ENPP2: variants seen among roughly 807,000 people sequenced by gnomAD.
ENPP2 encodes the protein ectonucleotide pyrophosphatase/phosphodiesterase 2, also known as autotaxin.
ENPP2 carries 51 observed loss-of-function variants against 120.2 expected under a neutral mutation model. The ratio of observed to expected loss-of-function variants is 0.42; its 90% CI spans 0.34 to 0.54. The LOEUF is 0.54. ENPP2 is among the 20% of genes least tolerant of loss of function. The pLI is 0.04. For missense variants in ENPP2, 920 were observed against 1,066.5 expected, an observed-to-expected ratio of 0.86 and a Z score of 1.91; for synonymous variants, 365 against 366.4, an observed-to-expected ratio of 1.00 and a Z score of 0.04.
chr8:119,614,931 A>G (rs1429350071), intron 8 of ENPP2, among the ~76,000 whole-genome samples: 2 of 152,202 alleles, frequency 1.3e-5, no homozygotes, highest in Non-Finnish European at 2.9e-5. Flanking sequence ...CATCTATTAT[A>G]AAGAAACTTA....
chr8:119,666,634 G>A (rs1381790989), intron 1 of ENPP2, among the ~76,000 whole-genome samples: 1 of 152,064 alleles, frequency 6.6e-6, no homozygotes, highest in African/African-American at 2.4e-5. Flanking sequence ...TACAAAATTA[G>A]CCAGGCGTGG....
At chr8:119,600,402 G>A (rs546292236) in intron 11 of ENPP2, among the ~76,000 whole-genome samples, 87 of 152,124 alleles carry the variant, frequency 5.7e-4, no homozygotes, top group African/African-American at 2.0e-3. Flanking sequence ...TCCAACTGAC[G>A]CCCACAAGGC....
exon 1 of ENPP2, chr8:119,673,253 C>G (rs772157203): frequency 1.3e-6 from 2 of 1,534,938 alleles, no homozygotes; most frequent in Non-Finnish European, 1.7e-6. Context: ...ATACCGTACC[C>G]GATCGGCGTG....
At chr8:119,589,455 G>T (rs1813348829) in intron 13 of ENPP2, among the ~76,000 whole-genome samples, 3 of 152,036 alleles carry the variant, frequency 2.0e-5, no homozygotes, top group Non-Finnish European at 4.4e-5. Flanking sequence ...CCCATTACAT[G>T]TACTAATGTC....
At chr8:119,600,571 G>T in intron 11 of ENPP2, 107 bp downstream of exon 11, 1 of 722,540 alleles carries the variant, frequency 1.4e-6, no homozygotes, top group South Asian at 1.9e-5. Context: ...CATAAACCTT[G>T]TAGATACAAA....
intron 10 of ENPP2, 114 bp downstream of exon 10, chr8:119,601,283 A>G: frequency 2.6e-6 from 2 of 754,976 alleles, no homozygotes; most frequent in Admixed American, 5.1e-5. Context: ...TAAGAACCAC[A>G]AAACTTTTAA....
chr8:119,662,597 A>C (rs1413562235), intron 1 of ENPP2, among the ~76,000 whole-genome samples: 1 of 152,220 alleles, frequency 6.6e-6, no homozygotes, highest in Non-Finnish European at 1.5e-5. Context: ...TATTTCTAAT[A>C]GGGCCCTTTC....
chr8:119,636,386 C>G (rs1002745899), intron 2 of ENPP2, among the ~76,000 whole-genome samples: 4 of 152,128 alleles, frequency 2.6e-5, no homozygotes, highest in Non-Finnish European at 5.9e-5. Context: ...TAAGCTACAT[C>G]AAAAGAAAAA....
chr8:119,605,526 T>C (rs1563724922), intron 9 of ENPP2, among the ~76,000 whole-genome samples: 2 of 151,294 alleles, frequency 1.3e-5, no homozygotes, highest in Non-Finnish European at 2.9e-5. Context: ...AATGGCATGA[T>C]CTCAGCTCAC....
intron 19 of ENPP2, chr8:119,571,687 C>T (rs1814994348): frequency 6.6e-6 from 1 of 152,396 alleles, no homozygotes; most frequent in Admixed American, 6.5e-5. Flanking sequence ...ATGTGGGGCC[C>T]TACAGACCAA....
At position 119,573,407 on chromosome 8, in the gene ENPP2, T is replaced by TAAAAAAAAAAAAAAAAAAAAAAAAAAAA. The variant is rs1563680979; in HGVS notation, c.1781-2567_1781-2566insTTTTTTTTTTTTTTTTTTTTTTTTTTTT. Among the ~76,000 whole-genome samples the TAAAAAAAAAAAAAAAAAAAAAAAAAAAA allele has an allele frequency of 3.1e-4, 22 of 71,528 alleles. 5 individuals carry two copies. The highest frequency in any genetic ancestry group is 1.5e-3 in the African/African-American group (21 of 14,062). 46.9% of individuals were successfully genotyped at this position (71,528 alleles called of 152,430 possible). A position where few individuals can be genotyped will look rare whatever the true frequency, so the allele number is the denominator to read the frequency against. ...AGGTGACAGAGCGAGGCTCCGTCTC[T>TAAAAAAAAAAAAAAAAAAAAAAAAAAAA]TAAAAAAAAAAAAAAAAAAGATTCA... is the stretch of plus-strand genomic sequence containing the variant. On this transcript the variant is annotated intron_variant, in intron 19 of 24. Coordinates refer to ENST00000075322, the MANE Select transcript of ENPP2 (RefSeq NM_001040092.3).
intron 1 of ENPP2, among the ~76,000 whole-genome samples, chr8:119,650,557 C>T (rs1277377330): frequency 6.6e-6 from 1 of 152,116 alleles, no homozygotes; most frequent in Non-Finnish European, 1.5e-5. Context: ...CATCTGGATG[C>T]ACAGAAAAGG....
intron 1 of ENPP2, among the ~76,000 whole-genome samples, chr8:119,657,431 G>C (rs183081415): frequency 8.2e-4 from 125 of 152,308 alleles, no homozygotes; most frequent in Admixed American, 6.7e-3. Flanking sequence ...CAAGAACAGA[G>C]ATTTCATCTC....
intron 24 of ENPP2, among the ~76,000 whole-genome samples, chr8:119,558,234 C>T (rs747481396): frequency 7.9e-4 from 121 of 152,244 alleles, no homozygotes; most frequent in Admixed American, 3.1e-3. Context: ...AACTCGAAAC[C>T]ACTCAGTTGA....
intron 9 of ENPP2, among the ~76,000 whole-genome samples, chr8:119,603,119 AT>A (rs1023900447): frequency 7.9e-5 from 12 of 152,224 alleles, no homozygotes; most frequent in Non-Finnish European, 1.5e-4. Context: ...TGAATTAGAA[AT>A]AGGCAGAGCA....
chr8:119,607,953 C>A lies in ENPP2; in HGVS notation c.802G>T (p.Gly268Trp), dbSNP rs202210788. The change falls in exon 9 of 25, where the codon GGG becomes TGG. Residue 268 changes from glycine (G) to tryptophan (W), a missense_variant. Coordinates refer to ENST00000075322, the MANE Select transcript of ENPP2 (RefSeq NM_001040092.3). ...QPLWITATKQ[G>W]VKAGTFFWSV... is the part of the protein sequence containing the mutation. ...CAAAAGAATGTTCCAGCTTTCACCC[C>A]TTGCTTGGTGGCTGTAATCCATAGC... 3.1e-6 allele frequency: 5 copies of A among 1,610,850 alleles called. No individual in the cohort carries two copies. The highest frequency in any genetic ancestry group is 1.1e-5 in the South Asian group (1 of 90,454).
chr8:119,643,176 A>C (rs1327522453), upstream of ENPP2, among the ~76,000 whole-genome samples: 2 of 152,178 alleles, frequency 1.3e-5, no homozygotes, highest in African/African-American at 4.8e-5. Context: ...CCTGTTTTTA[A>C]GTTTTGCTGT....
At chr8:119,636,632 C>T (rs2130832615) in intron 2 of ENPP2, among the ~76,000 whole-genome samples, 1 of 152,222 alleles carries the variant, frequency 6.6e-6, no homozygotes, top group African/African-American at 2.4e-5. Context: ...GGCATTTATT[C>T]ATTAGTTCAT....
intron 24 of ENPP2, among the ~76,000 whole-genome samples, 188 bp from the exon 25 acceptor site, chr8:119,557,879 C>T (rs1478963267): frequency 6.6e-6 from 1 of 152,190 alleles, no homozygotes; most frequent in Non-Finnish European, 1.5e-5. Context: ...AAATACCTGC[C>T]CTTGGCTGTA....
Sources: gnomAD v4.1 joint callset for allele counts (sites outside exome capture counted in the v4.1 genomes callset) on GRCh38, gnomAD v4.1.1 for gene constraint, MANE v1.5 for transcripts, NCBI Gene and HGNC (gene_info 2026-07-23, HGNC 2026-07-21) for gene names.